The following COL28A1 variants were observed in gnomAD, a reference collection of about 807,000 sequenced individuals.
The protein encoded by COL28A1 is collagen alpha-1(XXVIII) chain.
A neutral mutation model predicts 150.2 loss-of-function variants in COL28A1; 161 were observed. The ratio of observed to expected loss-of-function variants is 1.07; its 90% CI spans 0.94 to 1.22. The LOEUF (loss-of-function observed/expected upper bound fraction) is 1.22. COL28A1 is among the 50% of genes most tolerant of loss of function. The probability of loss-of-function intolerance (pLI) is 0.00; values close to 1 mark genes in which losing one functional copy is unlikely to be tolerated. For synonymous variants in COL28A1, 552 were observed against 469.7 expected (o/e 1.18, Z -2.26); for missense variants, 1,617 against 1,388.3 (o/e 1.16, Z -2.62).
chr7:7,450,618 T>C (rs565334731), intron 18 of COL28A1, among the ~76,000 whole-genome samples: 2 of 152,306 alleles, frequency 1.3e-5, no homozygotes, highest in Non-Finnish European at 2.9e-5. Context: ...TTTGGTAGTA[T>C]CACAATTGAA....
At chr7:7,359,924 C>T (rs968086917) in intron 34 of COL28A1, among the ~76,000 whole-genome samples, 12 of 152,094 alleles carry the variant, frequency 7.9e-5, no homozygotes, top group African/African-American at 2.9e-4. Context: ...AAAATATGTA[C>T]ATAATAATAC....
At chr7:7,374,038 A>AAAAAAAAAAAAAAAATATATATATAT in intron 31 of COL28A1, among the ~76,000 whole-genome samples, 6 of 113,620 alleles carry the variant, frequency 5.3e-5, no homozygotes, top group African/African-American at 2.3e-4. Context: ...AAAAAAAAAA[A>AAAAAAAAAAAAAAAATATATATATAT]ATATATATAT....
At chr7:7,503,892 ATTGGCAATGAACTTTGTTCAC>A (rs2040298449) in intron 11 of COL28A1, among the ~76,000 whole-genome samples, 1 of 152,148 alleles carries the variant, frequency 6.6e-6, no homozygotes, top group Non-Finnish European at 1.5e-5. Context: ...CAGCTTTTTG[ATTGGCAATGAACTTTGTTCAC>A]TTGGCAGTGA....
downstream of COL28A1, among the ~76,000 whole-genome samples, chr7:7,354,295 A>G (rs1271381668): frequency 6.6e-6 from 1 of 152,088 alleles, no homozygotes; most frequent in East Asian, 1.9e-4. Flanking sequence ...CACCTGGCCA[A>G]AAAAAATTTA....
At chr7:7,377,145 A>G (rs1224349882) in intron 30 of COL28A1, among the ~76,000 whole-genome samples, 1 of 152,204 alleles carries the variant, frequency 6.6e-6, no homozygotes, top group Non-Finnish European at 1.5e-5. Flanking sequence ...TTATTCACTT[A>G]TAAGAGCAAT....
chr7:7,517,666 T>C (rs1016028), intron 7 of COL28A1, 130 bp downstream of exon 7: 1,301,566 of 1,335,028 alleles, frequency 0.97, 634,676 homozygotes, highest in East Asian at 1. Flanking sequence ...GATTGCCTTC[T>C]TGAGCCATCA....
At chr7:7,339,512 G>A in the COL28A1 span, among the ~76,000 whole-genome samples, 3 of 152,190 alleles carry the variant, frequency 2.0e-5, no homozygotes, top group Middle Eastern at 6.8e-3. Flanking sequence ...CACTCCCTCT[G>A]GGGATCCTCG....
chr7:7,416,351 A>G (rs1407161926), intron 27 of COL28A1, among the ~76,000 whole-genome samples: 1 of 152,206 alleles, frequency 6.6e-6, no homozygotes, highest in Non-Finnish European at 1.5e-5. Flanking sequence ...GGTAAGGATT[A>G]ATTAAACACA....
At chr7:7,431,330 A>C in intron 25 of COL28A1, 1 of 319,150 alleles carries the variant, frequency 3.1e-6, no homozygotes, top group Non-Finnish European at 6.3e-6. Context: ...GAACAAAGCA[A>C]GAAGCCTGCT....
chr7:7,375,521 A>G (rs749804992), intron 30 of COL28A1, 24 bp from the exon 31 acceptor site: 22 of 1,436,294 alleles, frequency 1.5e-5, no homozygotes, highest in Non-Finnish European at 2.0e-5. Context: ...AGAAAAATGT[A>G]TTACTATATG....
chr7:7,403,242 G>A (rs1446167464), intron 27 of COL28A1, among the ~76,000 whole-genome samples: 2 of 152,130 alleles, frequency 1.3e-5, no homozygotes, highest in South Asian at 2.1e-4. Context: ...AGGAAACACA[G>A]CTTTCACGGG....
At chr7:7,494,837 A>C (rs929381237) in intron 11 of COL28A1, among the ~76,000 whole-genome samples, 7 of 152,242 alleles carry the variant, frequency 4.6e-5, no homozygotes, top group African/African-American at 1.7e-4. Context: ...TACCTTAAGG[A>C]ATTGGGAAAG....
At chr7:7,494,535 A>G (rs1283195738) in intron 11 of COL28A1, among the ~76,000 whole-genome samples, 1 of 152,252 alleles carries the variant, frequency 6.6e-6, no homozygotes, top group East Asian at 1.9e-4. Flanking sequence ...TCTGCAAAAC[A>G]TCTAAGTCAT....
At chr7:7,540,942 G>C in the COL28A1 span, among the ~76,000 whole-genome samples, 1 of 144,166 alleles carries the variant, frequency 6.9e-6, no homozygotes, top group Non-Finnish European at 1.5e-5. Context: ...AGTAATATAG[G>C]TAGATATCAT....
At chr7:7,516,643 A>G (rs1326428143) in intron 7 of COL28A1, among the ~76,000 whole-genome samples, 2 of 152,240 alleles carry the variant, frequency 1.3e-5, no homozygotes, top group African/African-American at 4.8e-5. Context: ...TAGAATTGTC[A>G]GATTTATTGA....
At chr7:7,375,333 T>C in intron 31 of COL28A1, 128 bp downstream of exon 31, 1 of 849,476 alleles carries the variant, frequency 1.2e-6, no homozygotes, top group Admixed American at 3.3e-5. Flanking sequence ...CCATCGACTT[T>C]TCAAATGAGC....
chr7:7,375,389 A>G, intron 31 of COL28A1, 72 bp downstream of exon 31: 1 of 1,380,692 alleles, frequency 7.2e-7, no homozygotes, highest in South Asian at 1.7e-5. Flanking sequence ...GGACGAACAC[A>G]TTCTGTCACC....
chr7:7,403,544 A>G (rs939022755), intron 27 of COL28A1, among the ~76,000 whole-genome samples: 15 of 152,198 alleles, frequency 9.9e-5, no homozygotes, highest in African/African-American at 3.4e-4. Flanking sequence ...TTAATGGCCA[A>G]TAACAGACAG....
At chr7:7,520,826 C>A (rs1260612013) in intron 5 of COL28A1, among the ~76,000 whole-genome samples, 1 of 152,140 alleles carries the variant, frequency 6.6e-6, no homozygotes, top group Non-Finnish European at 1.5e-5. Flanking sequence ...CTTACCCTGG[C>A]CATCTCTTGG....
Sources: allele counts gnomAD v4.1 joint callset (sites outside exome capture counted in the v4.1 genomes callset), GRCh38; gene constraint gnomAD v4.1.1; transcripts MANE v1.5; gene names NCBI Gene and HGNC (gene_info 2026-07-23, HGNC 2026-07-21).